Variants in BROX observed in about 807,000 individuals in gnomAD.
The protein encoded by BROX is BRO1 domain and CAAX motif containing.
Under a neutral mutation model 61.0 loss-of-function variants are expected in BROX, and 53 were observed. That is an observed-to-expected ratio of 0.87 (90% CI 0.70 to 1.09). The LOEUF is 1.09. Ranked by LOEUF, BROX falls within the 50% of genes least tolerant of loss-of-function variation. BROX has a pLI of 0.00. For missense variants in BROX, 489 were observed against 472.0 expected (o/e 1.04, Z -0.33); for synonymous variants, 152 against 160.2 (o/e 0.95, Z 0.38).
At chr1:222,713,052 C>T (rs1363604933) in intron 1 of BROX, 110 bp downstream of exon 1, 2 of 1,068,708 alleles carry the variant, frequency 1.9e-6, no homozygotes, top group African/African-American at 3.4e-5. Flanking sequence ...GACCCCTGGA[C>T]AGTGGACCAA....
At chr1:222,720,025 A>G (rs1327038027) in intron 4 of BROX, among the ~76,000 whole-genome samples, 1 of 152,236 alleles carries the variant, frequency 6.6e-6, no homozygotes, top group Non-Finnish European at 1.5e-5. Flanking sequence ...ATAAAAACAG[A>G]AAGGAAGGAG....
chr1:222,713,579 C>A, intron 1 of BROX: 1 of 401,862 alleles, frequency 2.5e-6, no homozygotes, highest in Non-Finnish European at 3.4e-6. Flanking sequence ...TTCTTCTATC[C>A]CACCCTAGGA....
At chr1:222,728,646 G>T in intron 8 of BROX, 97 bp from the exon 9 acceptor site, 1 of 673,530 alleles carries the variant, frequency 1.5e-6, no homozygotes, top group African/African-American at 1.8e-5. Flanking sequence ...AGACTTGAAT[G>T]GCATTCTTTC....
chr1:222,716,075 G>A (rs1335136739), intron 2 of BROX, among the ~76,000 whole-genome samples: 4 of 151,754 alleles, frequency 2.6e-5, no homozygotes, highest in African/African-American at 9.7e-5. Context: ...GTAGTGTATG[G>A]ACATTTTTAT....
chr1:222,726,563 C>G (rs753588376), intron 7 of BROX, among the ~76,000 whole-genome samples: 4 of 151,962 alleles, frequency 2.6e-5, no homozygotes, highest in Non-Finnish European at 5.9e-5. Context: ...CTAAAACATA[C>G]AAAATTAGCT....
intron 2 of BROX, 105 bp from the exon 3 acceptor site, chr1:222,718,820 T>C: frequency 1.2e-6 from 1 of 834,942 alleles, no homozygotes; most frequent in Non-Finnish European, 2.0e-6. Context: ...TGCGTGTGTG[T>C]ATGTGTGTGT....
intron 6 of BROX, among the ~76,000 whole-genome samples, 157 bp from the exon 7 acceptor site, chr1:222,725,293 T>TA (rs964663394): frequency 2.6e-5 from 4 of 152,352 alleles, no homozygotes; most frequent in African/African-American, 7.2e-5. Flanking sequence ...TTTATAAGCT[T>TA]ACTGTTGTTA....
intron 7 of BROX, among the ~76,000 whole-genome samples, chr1:222,725,811 G>A (rs1370051720): frequency 6.6e-6 from 1 of 152,178 alleles, no homozygotes; most frequent in Non-Finnish European, 1.5e-5. Flanking sequence ...CCACAAGGCT[G>A]AGATGGGAAG....
chr1:222,714,363 C>T (rs1031816973), intron 1 of BROX, among the ~76,000 whole-genome samples: 6 of 151,650 alleles, frequency 4.0e-5, no homozygotes, highest in South Asian at 4.2e-4. Flanking sequence ...CCACCATGCC[C>T]GGCTAATTTT....
chr1:222,715,570 G>A (rs935949165), intron 1 of BROX, 114 bp from the exon 2 acceptor site: 3 of 449,968 alleles, frequency 6.7e-6, no homozygotes, highest in Non-Finnish European at 7.5e-6. Context: ...ATTTAGCCAG[G>A]CTAATTTTCG....
intron 4 of BROX, among the ~76,000 whole-genome samples, chr1:222,721,801 C>T (rs555106515): frequency 1.3e-5 from 2 of 152,030 alleles, no homozygotes; most frequent in South Asian, 4.2e-4. Context: ...CCTTCTTTTC[C>T]TTGATTTCTT....
At position 222,728,615 on chromosome 1, in the gene BROX, A is replaced by G. The variant is rs1447103806; in HGVS notation, c.671-128A>G. The G allele has an allele frequency of 9.5e-6, 5 of 524,864 alleles. No homozygotes were observed. In the Admixed American group the frequency reaches 1.6e-4, roughly 17 times the overall value. The allele number at this position is 524,864 out of a possible 1,614,324, so 32.5% of individuals were successfully genotyped here. On this transcript the variant is annotated intron_variant, in intron 8 of 12. Coordinates refer to ENST00000340934, the MANE Select transcript of BROX (RefSeq NM_144695.4). Reference sequence around the variant, plus strand: ...AATCAAGTAAAGGTGTTTTTAAAAAAAAATTAAATTCTTGAGTTTTAGACT... The same window carrying G: ...AATCAAGTAAAGGTGTTTTTAAAAAGAAATTAAATTCTTGAGTTTTAGACT...
rs1398526562 is a variant in BROX at position 222,719,372 on chromosome 1, A to G, written c.305+13A>G. On this transcript the variant is annotated intron_variant, in intron 4 of 12. Coordinates refer to ENST00000340934, the MANE Select transcript of BROX (RefSeq NM_144695.4). ...GACAGGTTCCAAGGTAAGCAACACT[A>G]AAGTAATACTAAATTGGAGCCAGTT... 2.6e-6 allele frequency: 4 copies of G among 1,560,346 alleles called. No individual in the cohort carries two copies. Among genetic ancestry groups the G allele is most frequent in the South Asian group, 1.1e-5 (1 of 89,260 alleles).
intron 8 of BROX, among the ~76,000 whole-genome samples, 171 bp downstream of exon 8, chr1:222,727,428 C>T (rs1310427055): frequency 6.6e-6 from 1 of 152,168 alleles, no homozygotes; most frequent in East Asian, 1.9e-4. Context: ...TAGTATGCTG[C>T]ATAACTTCTA....
At chr1:222,721,797 T>G (rs967960653) in intron 4 of BROX, among the ~76,000 whole-genome samples, 7 of 152,104 alleles carry the variant, frequency 4.6e-5, no homozygotes, top group Admixed American at 6.6e-5. Context: ...TTGCCCTTCT[T>G]TTCCTTGATT....
chr1:222,724,066 T>C, intron 5 of BROX, 26 bp from the exon 6 acceptor site: 2 of 1,535,596 alleles, frequency 1.3e-6, no homozygotes, highest in Non-Finnish European at 1.8e-6. Flanking sequence ...ATTCATCCTC[T>C]AACTAATGTA....
chr1:222,725,851 T>TCCC (rs1657462482), intron 7 of BROX, among the ~76,000 whole-genome samples: 6 of 152,172 alleles, frequency 3.9e-5, no homozygotes, highest in Non-Finnish European at 8.8e-5. Context: ...GTCAAAGCTG[T>TCCC]AGTAAGGCAA....
intron 1 of BROX, among the ~76,000 whole-genome samples, chr1:222,714,495 T>G (rs1344885304): frequency 1.3e-5 from 2 of 151,236 alleles, no homozygotes; most frequent in East Asian, 2.0e-4. Flanking sequence ...ACCGCGCGTT[T>G]TTTTTTTTTT....
intron 4 of BROX, among the ~76,000 whole-genome samples, chr1:222,722,157 G>A (rs1212111708): frequency 1.3e-5 from 2 of 152,140 alleles, no homozygotes; most frequent in Non-Finnish European, 2.9e-5. Flanking sequence ...TTTAAAAGCT[G>A]CTCTATGTGC....
Sources: allele counts gnomAD v4.1 joint callset (sites outside exome capture counted in the v4.1 genomes callset), GRCh38; gene constraint gnomAD v4.1.1; transcripts MANE v1.5; gene names NCBI Gene and HGNC (gene_info 2026-07-23, HGNC 2026-07-21).